The following DUXB variants were observed in gnomAD, a reference collection of about 807,000 sequenced individuals.
DUXB encodes the protein double homeobox protein B.
Under a neutral mutation model 8.9 loss-of-function variants are expected in DUXB, and 22 were observed. The observed-to-expected ratio is 2.46, with a 90% CI of 1.76 to 3.52. DUXB has a LOEUF of 3.52. Among genes scored for constraint, DUXB ranks in the 30% most tolerant of loss-of-function variants. The probability of loss-of-function intolerance (pLI) is 0.00; values close to 1 mark genes in which losing one functional copy is unlikely to be tolerated. For missense variants in DUXB, 237 were observed against 108.7 expected, an observed-to-expected ratio of 2.18 and a Z score of -5.25; for synonymous variants, 84 against 37.6, an observed-to-expected ratio of 2.23 and a Z score of -4.52.
At chr16:75,695,656 C>G (rs1285189240) in intron 4 of DUXB, among the ~76,000 whole-genome samples, 1 of 152,178 alleles carries the variant, frequency 6.6e-6, no homozygotes, top group Non-Finnish European at 1.5e-5. Context: ...CTACCATGCA[C>G]AGGGTGGCCC....
intron 3 of DUXB, among the ~76,000 whole-genome samples, chr16:75,696,500 G>C (rs1334000553): frequency 6.6e-6 from 1 of 152,160 alleles, no homozygotes; most frequent in East Asian, 1.9e-4. Flanking sequence ...GCAGTGAGCT[G>C]AGATCAGACC....
At chr16:75,701,302 C>G (rs1959208574) in intron 1 of DUXB, 92 bp downstream of exon 1, 5 of 398,302 alleles carry the variant, frequency 1.3e-5, no homozygotes, top group Admixed American at 8.8e-5. Context: ...TACCTCTAAT[C>G]ATGTTTGTGC....
chr16:75,697,408 T>C (rs184413647), intron 2 of DUXB, among the ~76,000 whole-genome samples: 11 of 152,352 alleles, frequency 7.2e-5, no homozygotes, highest in Non-Finnish European at 1.5e-4. Context: ...AGTAAAGAGT[T>C]GGACTAACAC....
intron 2 of DUXB, among the ~76,000 whole-genome samples, chr16:75,698,995 A>C (rs1959197280): frequency 6.6e-6 from 1 of 152,198 alleles, no homozygotes; most frequent in Non-Finnish European, 1.5e-5. Context: ...GGTGTGGAAC[A>C]ACAAACCCAG....
intron 1 of DUXB, 139 bp downstream of exon 1, chr16:75,701,255 T>C (rs1453875991): frequency 2.5e-6 from 1 of 396,534 alleles, no homozygotes; most frequent in African/African-American, 2.1e-5. Context: ...TCTGACACAA[T>C]TTATCAGCGA....
chr16:75,695,778 A>T (rs1158813357), intron 4 of DUXB, among the ~76,000 whole-genome samples, 183 bp downstream of exon 4: 1 of 152,206 alleles, frequency 6.6e-6, no homozygotes, highest in Non-Finnish European at 1.5e-5. Context: ...ATCCGTGCAC[A>T]GCAATTTGAT....
chr16:75,700,293 G>A, intron 1 of DUXB, 124 bp from the exon 2 acceptor site: 1 of 546,748 alleles, frequency 1.8e-6, no homozygotes, highest in East Asian at 3.1e-5. Flanking sequence ...GGAGTGCAGT[G>A]ATGCAGTTTC....
At chr16:75,695,065 T>C (rs2082594625) in intron 4 of DUXB, among the ~76,000 whole-genome samples, 1 of 152,256 alleles carries the variant, frequency 6.6e-6, no homozygotes, top group South Asian at 2.1e-4. Context: ...AGAAATCTTA[T>C]ACATTTTGTA....
At chr16:75,700,693 G>C (rs1033352135) in intron 1 of DUXB, among the ~76,000 whole-genome samples, 2 of 151,784 alleles carry the variant, frequency 1.3e-5, no homozygotes, top group East Asian at 3.9e-4. Flanking sequence ...TTTTTTAGTA[G>C]AGACAGGGTT....
chr16:75,698,414 C>T (rs1169371939), intron 2 of DUXB: 1 of 152,184 alleles, frequency 6.6e-6, no homozygotes, highest in African/African-American at 2.4e-5. Context: ...TGATGCAAAA[C>T]CCAGAACTCA....
chr16:75,698,326 A>C (rs922446801), intron 2 of DUXB, among the ~76,000 whole-genome samples: 1 of 152,164 alleles, frequency 6.6e-6, no homozygotes, highest in Non-Finnish European at 1.5e-5. Context: ...ACATGAAGAG[A>C]CAAGTAAAAT....
chr16:75,699,390 T>A (rs964836138), intron 2 of DUXB, among the ~76,000 whole-genome samples: 3 of 152,202 alleles, frequency 2.0e-5, no homozygotes, highest in Non-Finnish European at 4.4e-5. Context: ...GACATAATTA[T>A]CATGGTGATT....
At position 75,696,846 on chromosome 16, in the gene DUXB, A is replaced by T. The variant is rs950857091; in HGVS notation, c.278T>A (p.Leu93Gln). Residue 93 changes from leucine to glutamine, a missense_variant, in exon 3 of 5, where the codon CTG (leucine) becomes CAG (glutamine). By Grantham distance (113) the Leu-to-Gln change is moderately radical (BLOSUM62 -2). Transcript: ENST00000633875. ...QTQGHDQSQH[L>Q]TQEYLPKEAR... ...CCATTGAGCATTCTTACCTTGAGTC[A>T]GATGCTGGGACTGGTCATGCCCCTG... 1.4e-6 allele frequency: 1 copy of T among 702,732 alleles called. No homozygotes were observed. The highest frequency in any genetic ancestry group is 2.6e-6 in the Non-Finnish European group (1 of 384,932). 43.5% of individuals were successfully genotyped at this position (702,732 alleles called of 1,614,324 possible).
intron 4 of DUXB, 44 bp downstream of exon 4, chr16:75,695,917 T>C (rs1017120862): frequency 1.9e-5 from 13 of 701,144 alleles, no homozygotes; most frequent in Non-Finnish European, 3.1e-5. Context: ...CAGGGGGCAG[T>C]ATCACAGGCA....
chr16:75,699,555 TTTC>T (rs1240159436), intron 2 of DUXB, among the ~76,000 whole-genome samples: 2 of 151,834 alleles, frequency 1.3e-5, no homozygotes, highest in Non-Finnish European at 2.9e-5. Flanking sequence ...TTTGTTTTCT[TTTC>T]TTTTCTTTTT....
intron 1 of DUXB, 61 bp from the exon 2 acceptor site, chr16:75,700,230 C>T (rs1240196533): frequency 4.9e-6 from 3 of 617,992 alleles, no homozygotes; most frequent in East Asian, 2.9e-5. Context: ...TAAATCTGTA[C>T]TTTGATTAAA....
chr16:75,699,514 G>A (rs559918717), intron 2 of DUXB, among the ~76,000 whole-genome samples: 1 of 151,388 alleles, frequency 6.6e-6, no homozygotes, highest in Non-Finnish European at 1.5e-5. Context: ...TCCACCTTTG[G>A]TAAAATACAT....
At chr16:75,698,537 A>C (rs761422716) in intron 2 of DUXB, 2 of 152,228 alleles carry the variant, frequency 1.3e-5, no homozygotes, top group Non-Finnish European at 2.9e-5. Context: ...TATTTGAGAC[A>C]AAGTCTTGCT....
chr16:75,695,852 C>T (rs376335697), intron 4 of DUXB, 109 bp downstream of exon 4: 41 of 623,690 alleles, frequency 6.6e-5, no homozygotes, highest in East Asian at 2.5e-4. Flanking sequence ...CCCCCGTTTC[C>T]GCCCTTGATG....
Sources: gnomAD v4.1 joint callset for allele counts (sites outside exome capture counted in the v4.1 genomes callset) on GRCh38, gnomAD v4.1.1 for gene constraint, MANE v1.5 for transcripts, NCBI Gene and HGNC (gene_info 2026-07-23, HGNC 2026-07-21) for gene names.